Variants in C1orf21 observed in about 807,000 individuals in gnomAD.
C1orf21 encodes the protein chromosome 1 open reading frame 21.
A neutral mutation model predicts 18.7 loss-of-function variants in C1orf21; 3 were observed. That is an observed-to-expected ratio of 0.16 (90% CI 0.07 to 0.42). The LOEUF (loss-of-function observed/expected upper bound fraction) is 0.42, where lower values mean the gene tolerates loss of function less well. Ranked by LOEUF, C1orf21 falls within the 10% of genes least tolerant of loss-of-function variation. C1orf21 has a pLI of 0.99. For missense variants in C1orf21, 104 were observed against 143.6 expected (o/e 0.72, Z 1.41); for synonymous variants, 41 against 46.4 (o/e 0.88, Z 0.47).
intron 3 of C1orf21, among the ~76,000 whole-genome samples, chr1:184,585,808 T>C (rs1255612117): frequency 6.6e-6 from 1 of 152,228 alleles, no homozygotes; most frequent in Non-Finnish European, 1.5e-5. Flanking sequence ...CTCATTCTTT[T>C]TTATGGCTGC....
chr1:184,450,722 GC>G (rs1157842107), intron 1 of C1orf21, among the ~76,000 whole-genome samples: 2 of 152,066 alleles, frequency 1.3e-5, no homozygotes, highest in East Asian at 3.8e-4. Flanking sequence ...AATTTATGTG[GC>G]TGAAAGGCTT....
At position 184,440,320 on chromosome 1, in the gene C1orf21, G is replaced by A. The variant is rs1656923255; in HGVS notation, c.-124-37066G>A. ...TGCAGTGGCACAATCTCGGTTCACT[G>A]CAACCTCTGCCTCCCGGGTCCAAGC... On this transcript the variant is annotated intron_variant, in intron 1 of 5. Coordinates refer to ENST00000235307, the MANE Select transcript of C1orf21 (RefSeq NM_030806.4). Among the ~76,000 whole-genome samples the A allele has an allele frequency of 7.2e-5, 11 of 152,302 alleles. No homozygotes were observed. The South Asian group carries it at 2.3e-3, about 32-fold the overall frequency.
At chr1:184,399,206 T>C (rs1656109403) in intron 1 of C1orf21, among the ~76,000 whole-genome samples, 1 of 152,150 alleles carries the variant, frequency 6.6e-6, no homozygotes, top group South Asian at 2.1e-4. Flanking sequence ...TAGGATTCCC[T>C]GTATCCTGAC....
At chr1:184,575,700 G>GA (rs916200012) in intron 3 of C1orf21, among the ~76,000 whole-genome samples, 14 of 148,086 alleles carry the variant, frequency 9.5e-5, no homozygotes, top group Non-Finnish European at 1.6e-4. Flanking sequence ...TATACTAATA[G>GA]AAAAAAAATT....
rs187293832 is a variant in C1orf21, at chr1:184,429,968, C to T, written c.-125+42600C>T. ...CTAAAAATACAAAAACAAAATTAGC[C>T]GGGTGAAGTGGTGGGTGCCTGTAGT... On this transcript the variant is annotated intron_variant, in intron 1 of 5. Transcript: ENST00000235307. Among the ~76,000 whole-genome samples, 247 of 151,850 alleles carry T rather than the reference C, an allele frequency of 1.6e-3. 1 individual carries two copies. The highest frequency in any genetic ancestry group is 0.015 in the East Asian group (77 of 5,152).
chr1:184,619,657 A>G lies in C1orf21; in HGVS notation c.*101A>G. 6 of 1,048,254 alleles carry G rather than the reference A, an allele frequency of 5.7e-6. No homozygotes were observed. Among genetic ancestry groups the G allele is most frequent in the Non-Finnish European group, 4.2e-6 (3 of 707,426 alleles). The allele number at this position is 1,048,254 out of a possible 1,614,324, so 64.9% of individuals were successfully genotyped here. A position where few individuals can be genotyped will look rare whatever the true frequency, so the allele number is the denominator to read the frequency against. ...TCGGTTCTATTCAGCGAACAGCACT[A>G]TAGCAAAAGAAGATCGTTCCATATT... On this transcript the variant is annotated 3_prime_UTR_variant, in exon 6 of 6. Transcript: ENST00000235307.
chr1:184,598,282 G>C (rs1659544283), intron 4 of C1orf21, 119 bp from the exon 5 acceptor site: 3 of 799,168 alleles, frequency 3.8e-6, no homozygotes, highest in Non-Finnish European at 6.0e-6. Flanking sequence ...TATTTCAGTG[G>C]AAAAGTCTGC....
chr1:184,555,734 A>G (rs1658869334), intron 3 of C1orf21, among the ~76,000 whole-genome samples: 1 of 152,034 alleles, frequency 6.6e-6, no homozygotes, highest in South Asian at 2.1e-4. Flanking sequence ...GGGAGGCGTA[A>G]CTAAATCAGA....
At chr1:184,608,458 G>C (rs974550556) in intron 5 of C1orf21, among the ~76,000 whole-genome samples, 1 of 152,166 alleles carries the variant, frequency 6.6e-6, no homozygotes, top group Non-Finnish European at 1.5e-5. Flanking sequence ...CTGAAACACT[G>C]CTGATTTAGA....
chr1:184,573,821 A>G (rs1659147813), intron 3 of C1orf21, among the ~76,000 whole-genome samples: 1 of 152,214 alleles, frequency 6.6e-6, no homozygotes, highest in Non-Finnish European at 1.5e-5. Flanking sequence ...TACCCCCTGA[A>G]TATAAATTAA....
chr1:184,564,746 C>T (rs1659012237), intron 3 of C1orf21, among the ~76,000 whole-genome samples: 1 of 152,152 alleles, frequency 6.6e-6, no homozygotes, highest in Non-Finnish European at 1.5e-5. Flanking sequence ...GAACCAGAGG[C>T]TCAGGAATTG....
chr1:184,528,022 A>C (rs1658403692), intron 3 of C1orf21, among the ~76,000 whole-genome samples: 3 of 152,224 alleles, frequency 2.0e-5, no homozygotes, highest in Admixed American at 2.0e-4. Flanking sequence ...TGATGATTAA[A>C]CAAGTTAATA....
intron 3 of C1orf21, among the ~76,000 whole-genome samples, chr1:184,527,717 G>T (rs886247358): frequency 1.3e-5 from 2 of 152,114 alleles, no homozygotes; most frequent in Admixed American, 6.5e-5. Context: ...TTAGATATAG[G>T]CCCTGTCACT....
intron 3 of C1orf21, among the ~76,000 whole-genome samples, chr1:184,536,120 C>T (rs971209400): frequency 2.0e-5 from 3 of 152,168 alleles, no homozygotes; most frequent in African/African-American, 7.2e-5. Flanking sequence ...ATACAGTTTA[C>T]AGAGGGGATG....
intron 3 of C1orf21, among the ~76,000 whole-genome samples, chr1:184,568,812 A>G (rs960594961): frequency 1.1e-4 from 17 of 152,182 alleles, no homozygotes; most frequent in South Asian, 4.1e-4. Context: ...CCTCAGCTCC[A>G]AAGGTCATTC....
At chr1:184,400,857 A>G (rs1434927504) in intron 1 of C1orf21, among the ~76,000 whole-genome samples, 1 of 152,232 alleles carries the variant, frequency 6.6e-6, no homozygotes, top group Non-Finnish European at 1.5e-5. Context: ...ATAGATTCCT[A>G]GAAGTGGGAT....
chr1:184,557,151 G>A (rs939302281), intron 3 of C1orf21, among the ~76,000 whole-genome samples: 1 of 152,044 alleles, frequency 6.6e-6, no homozygotes, highest in East Asian at 1.9e-4. Flanking sequence ...GCCTCCTGAC[G>A]CTCATTAATG....
intron 5 of C1orf21, 93 bp downstream of exon 5, chr1:184,598,554 A>C (rs1019580522): frequency 2.7e-5 from 33 of 1,242,578 alleles, no homozygotes; most frequent in Non-Finnish European, 3.6e-5. Flanking sequence ...TCTATGTCAT[A>C]AAGCTATTTT....
chr1:184,607,667 G>A (rs1381564462), intron 5 of C1orf21, among the ~76,000 whole-genome samples: 1 of 150,184 alleles, frequency 6.7e-6, no homozygotes, highest in African/African-American at 2.5e-5. Context: ...ACATATATAT[G>A]TGTGTATATA....
Sources: gnomAD v4.1 joint callset for allele counts (sites outside exome capture counted in the v4.1 genomes callset) on GRCh38, gnomAD v4.1.1 for gene constraint, MANE v1.5 for transcripts, NCBI Gene and HGNC (gene_info 2026-07-23, HGNC 2026-07-21) for gene names.